ZNF208: variants seen among roughly 807,000 people sequenced by gnomAD.
The protein encoded by ZNF208 is zinc finger protein 208, also known as zinc finger protein 95.
ZNF208 carries 10 observed loss-of-function variants against 12.1 expected under a neutral mutation model. The observed-to-expected ratio is 0.83, with a 90% CI of 0.51 to 1.40. The LOEUF (loss-of-function observed/expected upper bound fraction) is 1.40. Among genes scored for constraint, ZNF208 ranks in the 40% most tolerant of loss-of-function variants. The probability of loss-of-function intolerance (pLI) is 0.00; values close to 1 mark genes in which losing one functional copy is unlikely to be tolerated. For synonymous variants in ZNF208, 497 were observed against 488.4 expected, an observed-to-expected ratio of 1.02 and a Z score of -0.23; for missense variants, 1,652 against 1,485.0, an observed-to-expected ratio of 1.11 and a Z score of -1.85.
At position 21,968,266 on chromosome 19, in the gene ZNF208, A is replaced by G. The variant is rs1970207907; in HGVS notation, c.*2925T>C. ...TCATAACTTCAATAGGACTGTTTAG[A>G]ATGGATATTCTTATTTTTATTCTCA... On this transcript the variant is annotated 3_prime_UTR_variant, in exon 4 of 4. Transcript: ENST00000397126. The G allele has an allele frequency of 6.6e-6, 1 of 152,056 alleles. No individual in the cohort carries two copies. Among genetic ancestry groups the G allele is most frequent in the Non-Finnish European group, 1.5e-5 (1 of 68,000 alleles). The allele number at this position is 152,056 out of a possible 1,614,324, so 9.4% of individuals were successfully genotyped here. A position where few individuals can be genotyped will look rare whatever the true frequency, so the allele number is the denominator to read the frequency against.
intron 1 of ZNF208, among the ~76,000 whole-genome samples, chr19:22,007,865 G>A (rs1971074128): frequency 6.6e-6 from 1 of 151,890 alleles, no homozygotes; most frequent in African/African-American, 2.4e-5. Flanking sequence ...GTAGCCAGGT[G>A]TGGTGGCAGG....
Position 21,971,706 on chromosome 19 carries a change from C to T in ZNF208, c.3328G>A (p.Glu1110Lys), listed in dbSNP as rs1970288901. 1 of 1,613,788 alleles carries T rather than the reference C, an allele frequency of 6.2e-7. No individual in the cohort carries two copies. Among genetic ancestry groups the T allele is most frequent in the African/African-American group, 1.3e-5 (1 of 74,888 alleles). Residue 1110 changes from glutamate (E) to lysine (K), a missense_variant, in exon 4 of 4, where the codon GAG (glutamate) becomes AAG (lysine). Glu to Lys is a moderately conservative substitution (Grantham distance 56). Coordinates refer to ENST00000397126, the MANE Select transcript of ZNF208 (RefSeq NM_007153.3). ...LMEHKRIHTG[E>K]KPYKCEECGK... ...CATTCTTCACATTTGTAGGGTTTCTCTCCAGTATGAATTCTCTTATGTTCC... is the reference window on the plus strand; with the variant it reads ...CATTCTTCACATTTGTAGGGTTTCTTTCCAGTATGAATTCTCTTATGTTCC...
intron 4 of ZNF208, among the ~76,000 whole-genome samples, chr19:21,952,748 A>C (rs193267856): frequency 6.6e-4 from 100 of 152,352 alleles, no homozygotes; most frequent in Non-Finnish European, 1.1e-3. Context: ...TCTAAAAACC[A>C]GGGCACCTTT....
At chr19:21,955,814 T>C (rs750663612) in intron 4 of ZNF208, among the ~76,000 whole-genome samples, 2 of 152,226 alleles carry the variant, frequency 1.3e-5, no homozygotes, top group African/African-American at 2.4e-5. Context: ...TTACCAATCG[T>C]CTGAAGCCTT....
chr19:21,973,770 C>G lies in ZNF208; in HGVS notation c.1264G>C (p.Glu422Gln). The G allele has an allele frequency of 3.7e-6, 6 of 1,605,980 alleles. No individual in the cohort carries two copies. The highest frequency in any genetic ancestry group is 5.1e-6 in the Non-Finnish European group (6 of 1,173,698). ...LTKHEVIHTG[E>Q]KPYKCEECGK... ...CATTCTTCACATTTGTAGGGTTTCT[C>G]TCCAGTATGAATGACCTCATGTTTA... The change falls in exon 4 of 4, where the codon GAG becomes CAG. Residue 422 changes from glutamate (E) to glutamine (Q), a missense_variant. By Grantham distance (29) the Glu-to-Gln change is conservative (BLOSUM62 2). This residue lies in a region of ZNF208 where 1,239 missense variants were observed against 1,086.2 expected (regional missense o/e 1.14). Coordinates refer to ENST00000397126, the MANE Select transcript of ZNF208 (RefSeq NM_007153.3).
downstream of ZNF208, among the ~76,000 whole-genome samples, chr19:21,964,208 C>A (rs1970124936): frequency 6.6e-6 from 1 of 151,706 alleles, no homozygotes; most frequent in Non-Finnish European, 1.5e-5. Context: ...TGTGGTTGTT[C>A]ATCTTAAAAT....
chr19:21,996,708 G>A (rs754445919), intron 1 of ZNF208, among the ~76,000 whole-genome samples: 23 of 152,252 alleles, frequency 1.5e-4, no homozygotes, highest in Non-Finnish European at 2.5e-4. Context: ...GGATTCTCAC[G>A]TCTACAGGTC....
intron 3 of ZNF208, among the ~76,000 whole-genome samples, chr19:21,977,175 A>G (rs1430415833): frequency 6.6e-6 from 1 of 152,264 alleles, no homozygotes; most frequent in East Asian, 1.9e-4. Flanking sequence ...TTACAAATAC[A>G]GAAAGCAAAT....
intron 3 of ZNF208, among the ~76,000 whole-genome samples, chr19:21,977,163 G>T (rs1014898685): frequency 6.6e-5 from 10 of 152,296 alleles, no homozygotes; most frequent in Non-Finnish European, 1.3e-4. Context: ...CACACATTAG[G>T]ATTACAAATA....
downstream of ZNF208, among the ~76,000 whole-genome samples, chr19:21,961,149 TG>T (rs1444061418): frequency 1.3e-5 from 2 of 152,190 alleles, no homozygotes; most frequent in African/African-American, 2.4e-5. Flanking sequence ...TTCTATTTTC[TG>T]TAAGTGTCAG....
chr19:21,943,954 C>G (rs1334851273), intron 4 of ZNF208, among the ~76,000 whole-genome samples: 1 of 152,184 alleles, frequency 6.6e-6, no homozygotes, highest in Non-Finnish European at 1.5e-5. Context: ...GTACTCTTGT[C>G]TGTAATGTCA....
At chr19:21,965,722 T>A (rs575506083), downstream of ZNF208, 128 of 151,866 alleles carry the variant, frequency 8.4e-4, no homozygotes, top group African/African-American at 3.0e-3. Context: ...CTTTTTTTTT[T>A]AGAAAAAATG....
chr19:21,990,973 C>T (rs1221491577), intron 1 of ZNF208, among the ~76,000 whole-genome samples: 10 of 152,110 alleles, frequency 6.6e-5, no homozygotes, highest in Admixed American at 1.3e-4. Flanking sequence ...GAGACTTTGT[C>T]GAAGTTGCTT....
At chr19:22,001,558 C>A (rs1361363320) in intron 1 of ZNF208, among the ~76,000 whole-genome samples, 1 of 151,988 alleles carries the variant, frequency 6.6e-6, no homozygotes, top group Admixed American at 6.6e-5. Flanking sequence ...CAAAAAAAGG[C>A]AACTTCAGGC....
chr19:21,946,533 A>C (rs1969818186), intron 4 of ZNF208, among the ~76,000 whole-genome samples: 1 of 152,148 alleles, frequency 6.6e-6, no homozygotes, highest in Non-Finnish European at 1.5e-5. Flanking sequence ...CCTTGTGTCC[A>C]CACTCCTTAA....
intron 4 of ZNF208, among the ~76,000 whole-genome samples, chr19:21,960,439 G>A (rs1970045470): frequency 6.6e-6 from 1 of 152,144 alleles, no homozygotes; most frequent in African/African-American, 2.4e-5. Flanking sequence ...ACTAAGGTAT[G>A]AAATCAACCT....
intron 3 of ZNF208, among the ~76,000 whole-genome samples, chr19:21,981,046 A>C (rs6511306): frequency 6.6e-6 from 1 of 151,906 alleles, no homozygotes; most frequent in Non-Finnish European, 1.5e-5. Flanking sequence ...TCAATAACGA[A>C]TTCTGAAACT....
At chr19:21,979,659 G>T (rs1970499478) in intron 3 of ZNF208, among the ~76,000 whole-genome samples, 1 of 152,132 alleles carries the variant, frequency 6.6e-6, no homozygotes, top group Non-Finnish European at 1.5e-5. Flanking sequence ...ACACTATGAA[G>T]AAACTGCATC....
At chr19:21,975,851 AGC>A (rs1970421309) in intron 3 of ZNF208, among the ~76,000 whole-genome samples, 1 of 91,880 alleles carries the variant, frequency 1.1e-5, no homozygotes, top group East Asian at 3.9e-4. Context: ...AAAAAAAAAA[AGC>A]TATCAAGTGA....
Sources: gnomAD v4.1 joint callset for allele counts (sites outside exome capture counted in the v4.1 genomes callset) on GRCh38, gnomAD v4.1.1 for gene constraint, gnomAD v4.1.1 regional missense constraint, MANE v1.5 for transcripts, NCBI Gene and HGNC (gene_info 2026-07-23, HGNC 2026-07-21) for gene names.